NCKAP5: variants seen among roughly 807,000 people sequenced by gnomAD.
NCKAP5 encodes NCK associated protein 5.
Under a neutral mutation model 167.0 loss-of-function variants are expected in NCKAP5, and 92 were observed. The ratio of observed to expected loss-of-function variants is 0.55; its 90% CI spans 0.47 to 0.66. The LOEUF (loss-of-function observed/expected upper bound fraction) is 0.66. NCKAP5 is among the 30% of genes least tolerant of loss of function. NCKAP5 has a pLI of 0.00. For synonymous variants in NCKAP5, 891 were observed against 877.4 expected (o/e 1.02, Z -0.27); for missense variants, 2,378 against 2,315.0 (o/e 1.03, Z -0.56).
At chr2:132,769,158 G>A (rs1395841192) in intron 16 of NCKAP5, among the ~76,000 whole-genome samples, 1 of 150,442 alleles carries the variant, frequency 6.6e-6, no homozygotes, top group African/African-American at 2.4e-5. Context: ...ATGTTGCTCA[G>A]GCTGGTCTTG....
intron 3 of NCKAP5, among the ~76,000 whole-genome samples, chr2:133,424,898 AAC>A (rs1403215866): frequency 6.6e-6 from 1 of 152,240 alleles, no homozygotes; most frequent in Non-Finnish European, 1.5e-5. Flanking sequence ...ATAAATAAAA[AAC>A]AGTCTTGCAA....
At position 133,133,947 on chromosome 2, in the gene NCKAP5, C is replaced by T. The variant is rs548895083; in HGVS notation, c.208-3836G>A. Among the ~76,000 whole-genome samples, 40 of 152,290 alleles carry T rather than the reference C, an allele frequency of 2.6e-4. No homozygotes were observed. The East Asian group carries it at 7.7e-3, about 29-fold the overall frequency. ...CTTTTTTCCCCTACTACTGTCAGCT[C>T]TGCTGTAACATTTCTTTTAAAAGTG... On this transcript the variant is annotated intron_variant, in intron 5 of 19. Transcript: ENST00000409261.
intron 3 of NCKAP5, among the ~76,000 whole-genome samples, chr2:133,492,662 C>A (rs1681576665): frequency 6.6e-6 from 1 of 152,218 alleles, no homozygotes; most frequent in African/African-American, 2.4e-5. Flanking sequence ...GCCAATCTCA[C>A]AGGGATGTTA....
intron 12 of NCKAP5, among the ~76,000 whole-genome samples, chr2:132,795,743 C>T (rs2105159388): frequency 6.8e-6 from 1 of 147,426 alleles, no homozygotes; most frequent in African/African-American, 2.5e-5. Flanking sequence ...CATTTGAACC[C>T]AGGAGGTGGA....
At chr2:133,252,037 T>C (rs1291456696) in intron 4 of NCKAP5, among the ~76,000 whole-genome samples, 4 of 152,216 alleles carry the variant, frequency 2.6e-5, no homozygotes, top group African/African-American at 9.6e-5. Flanking sequence ...AAAATAATAT[T>C]TCACAGACCT....
chr2:132,811,770 T>C (rs1685889218), intron 11 of NCKAP5, among the ~76,000 whole-genome samples: 1 of 152,198 alleles, frequency 6.6e-6, no homozygotes, highest in South Asian at 2.1e-4. Flanking sequence ...TGTGCCCTCC[T>C]CTGAGTTCTG....
intron 6 of NCKAP5, among the ~76,000 whole-genome samples, chr2:133,055,554 A>C (rs1439729375): frequency 1.3e-5 from 2 of 151,574 alleles, no homozygotes; most frequent in Non-Finnish European, 2.9e-5. Context: ...AGAATAAATA[A>C]GCTATTTTAT....
the NCKAP5 span, among the ~76,000 whole-genome samples, chr2:133,616,891 T>C: frequency 6.6e-6 from 1 of 152,100 alleles, no homozygotes; most frequent in African/African-American, 2.4e-5. Flanking sequence ...AACCTTGATG[T>C]GAAAATCCTC....
chr2:133,511,468 A>T (rs1409993832), intron 3 of NCKAP5, among the ~76,000 whole-genome samples: 2 of 152,154 alleles, frequency 1.3e-5, no homozygotes, highest in Non-Finnish European at 2.9e-5. Flanking sequence ...GGACAGATTC[A>T]CTGGGTAGAT....
intron 5 of NCKAP5, among the ~76,000 whole-genome samples, chr2:133,157,095 C>T (rs1473418650): frequency 6.6e-6 from 1 of 152,208 alleles, no homozygotes; most frequent in Admixed American, 6.5e-5. Context: ...AATGCCAACC[C>T]ACAATAATTC....
At chr2:133,673,558 C>G in the NCKAP5 span, among the ~76,000 whole-genome samples, 1 of 152,194 alleles carries the variant, frequency 6.6e-6, no homozygotes, top group African/African-American at 2.4e-5. Flanking sequence ...ACAGAGGGTA[C>G]AGAGCTGAGG....
intron 8 of NCKAP5, among the ~76,000 whole-genome samples, chr2:132,895,543 A>G (rs1693118750): frequency 1.3e-5 from 2 of 152,098 alleles, no homozygotes; most frequent in African/African-American, 4.8e-5. Context: ...TTAAGAAGCC[A>G]GGGCTGGAGT....
intron 6 of NCKAP5, among the ~76,000 whole-genome samples, chr2:133,047,717 G>T (rs2079450045): frequency 6.6e-6 from 1 of 152,024 alleles, no homozygotes; most frequent in East Asian, 1.9e-4. Flanking sequence ...CATTAAGCTG[G>T]CTGAACTAGC....
chr2:133,547,538 G>C (rs12467461), intron 2 of NCKAP5, among the ~76,000 whole-genome samples: 9,656 of 151,570 alleles, frequency 0.064, 352 homozygotes, highest in East Asian at 0.27. Flanking sequence ...TCTGAGAACC[G>C]GCAGACTGCC....
chr2:133,444,315 C>T (rs1332938177), intron 3 of NCKAP5, among the ~76,000 whole-genome samples: 3 of 151,868 alleles, frequency 2.0e-5, no homozygotes, highest in Non-Finnish European at 2.9e-5. Flanking sequence ...GGCCCAGAAA[C>T]TTTGCCAAAT....
intron 4 of NCKAP5, among the ~76,000 whole-genome samples, chr2:133,252,956 C>T (rs1398965524): frequency 6.6e-6 from 1 of 152,194 alleles, no homozygotes; most frequent in African/African-American, 2.4e-5. Context: ...CTGCAGATAG[C>T]AACTTGTGGC....
intron 3 of NCKAP5, among the ~76,000 whole-genome samples, chr2:133,432,903 T>C (rs942586699): frequency 6.6e-6 from 1 of 152,216 alleles, no homozygotes; most frequent in African/African-American, 2.4e-5. Context: ...TTTTGTAGTA[T>C]TTTAAACACT....
At chr2:132,928,606 G>A (rs1157669669) in intron 8 of NCKAP5, among the ~76,000 whole-genome samples, 1 of 152,144 alleles carries the variant, frequency 6.6e-6, no homozygotes, top group African/African-American at 2.4e-5. Flanking sequence ...CCTTATTAAA[G>A]TTTCATCTTC....
intron 4 of NCKAP5, among the ~76,000 whole-genome samples, chr2:133,285,241 A>C (rs967581577): frequency 6.6e-6 from 1 of 152,360 alleles, no homozygotes; most frequent in African/African-American, 2.4e-5. Flanking sequence ...AATGTCTAGC[A>C]AGCATTTGAC....
Sources: allele counts gnomAD v4.1 joint callset (sites outside exome capture counted in the v4.1 genomes callset), GRCh38; gene constraint gnomAD v4.1.1; transcripts MANE v1.5; gene names NCBI Gene and HGNC (gene_info 2026-07-23, HGNC 2026-07-21).